Variants in ADARB2 observed in about 807,000 individuals in gnomAD.
ADARB2 encodes the protein adenosine deaminase RNA specific B2 (inactive).
Under a neutral mutation model 62.2 loss-of-function variants are expected in ADARB2, and 25 were observed. The observed-to-expected ratio is 0.40, with a 90% CI of 0.29 to 0.56. ADARB2 has a LOEUF of 0.56. ADARB2 is among the 20% of genes least tolerant of loss of function. The pLI, the probability that ADARB2 is intolerant of heterozygous loss-of-function variation, is 0.43. For synonymous variants in ADARB2, 572 were observed against 500.8 expected (o/e 1.14, Z -1.90); for missense variants, 1,071 against 1,077.4 (o/e 0.99, Z 0.08).
chr10:1,516,057 G>A (rs1381401635), intron 1 of ADARB2, among the ~76,000 whole-genome samples: 1 of 152,194 alleles, frequency 6.6e-6, no homozygotes, highest in African/African-American at 2.4e-5. Context: ...AGAGCCCAGA[G>A]GACGGCCCTA....
chr10:1,451,580 C>A (rs944876316), intron 1 of ADARB2, among the ~76,000 whole-genome samples: 1 of 151,890 alleles, frequency 6.6e-6, no homozygotes, highest in East Asian at 1.9e-4. Flanking sequence ...GGGGACACAC[C>A]TGTATGAGGA....
chr10:1,277,629 A>G (rs1348338650), intron 3 of ADARB2, among the ~76,000 whole-genome samples: 1 of 152,208 alleles, frequency 6.6e-6, no homozygotes, highest in Non-Finnish European at 1.5e-5. Context: ...ACCAACCAAA[A>G]AAAGTCCAGA....
rs139238954 is a variant in ADARB2, at chr10:1,569,759, A to AT, written c.100+167291dup. Among the ~76,000 whole-genome samples the AT allele has an allele frequency of 3.1e-3, 474 of 151,690 alleles. 2 individuals carry two copies. Among genetic ancestry groups the AT allele is most frequent in the Middle Eastern group, 0.01 (3 of 292 alleles). Reference sequence around the variant, plus strand: ...CATAGAAATTATTTTCTAAAGTATCATTTTTTTTTAAAAAAATGTAATACT... The same window carrying AT: ...CATAGAAATTATTTTCTAAAGTATCATTTTTTTTTTAAAAAAATGTAATACT... On this transcript the variant is annotated intron_variant, in intron 1 of 9. Coordinates refer to ENST00000381312, the MANE Select transcript of ADARB2 (RefSeq NM_018702.4).
In ADARB2 at chr10:1,544,956, T is replaced by TACACACACAC. The variant is rs1554770300; in HGVS notation, c.101-165806_101-165797dup. 2.0e-3 allele frequency among the ~76,000 whole-genome samples: 273 copies of TACACACACAC among 133,932 alleles called. 1 individual carries two copies. Among genetic ancestry groups the TACACACACAC allele is most frequent in the African/African-American group, 6.4e-3 (234 of 36,568 alleles). The allele number at this position is 133,932 out of a possible 152,430, so 87.9% of individuals were successfully genotyped here. ...ATGTGAAGTCTATAATAGCAAAGTATACACACACACACACACACACACACA... is the reference window on the plus strand; with the variant it reads ...ATGTGAAGTCTATAATAGCAAAGTATACACACACACACACACACACACACACACACACACA... On this transcript the variant is annotated intron_variant, in intron 1 of 9. Coordinates refer to ENST00000381312, the MANE Select transcript of ADARB2 (RefSeq NM_018702.4).
chr10:1,623,670 G>T (rs150686615), intron 1 of ADARB2, among the ~76,000 whole-genome samples: 2 of 152,302 alleles, frequency 1.3e-5, no homozygotes, highest in East Asian at 3.9e-4. Context: ...GATTGCACAC[G>T]CATGGATTCC....
intron 1 of ADARB2, among the ~76,000 whole-genome samples, chr10:1,474,077 C>T (rs1243077363): frequency 1.3e-5 from 2 of 152,170 alleles, no homozygotes; most frequent in Non-Finnish European, 2.9e-5. Flanking sequence ...CCCCATCCCA[C>T]TGAGCACCTG....
chr10:1,556,390 GCAATTCCC>G (rs1832703295), intron 1 of ADARB2, among the ~76,000 whole-genome samples: 1 of 151,932 alleles, frequency 6.6e-6, no homozygotes, highest in Admixed American at 6.6e-5. Context: ...TCTTGGTGAA[GCAATTCCC>G]AACTCTACCC....
chr10:1,563,824 C>G (rs1322627540), intron 1 of ADARB2, among the ~76,000 whole-genome samples: 2 of 138,606 alleles, frequency 1.4e-5, no homozygotes, highest in African/African-American at 5.4e-5. Flanking sequence ...TGTTCCCCTT[C>G]CTGTGTCCAT....
At chr10:1,573,851 C>A (rs997854125) in intron 1 of ADARB2, among the ~76,000 whole-genome samples, 1 of 152,176 alleles carries the variant, frequency 6.6e-6, no homozygotes, top group Non-Finnish European at 1.5e-5. Context: ...CCCGCTGCAG[C>A]CAGCTCCTCA....
At chr10:1,661,156 G>A (rs1834241904) in intron 1 of ADARB2, among the ~76,000 whole-genome samples, 1 of 152,150 alleles carries the variant, frequency 6.6e-6, no homozygotes, top group Non-Finnish European at 1.5e-5. Flanking sequence ...GCCCCTCTCA[G>A]GTTTATTTTC....
chr10:1,394,838 A>G, intron 1 of ADARB2: 1 of 457,044 alleles, frequency 2.2e-6, no homozygotes, highest in Admixed American at 2.3e-5. Flanking sequence ...GAAGAGGGTC[A>G]CCCCATATAC....
chr10:1,576,143 G>GGCCTCA (rs1398035854), intron 1 of ADARB2, among the ~76,000 whole-genome samples: 4 of 126,222 alleles, frequency 3.2e-5, no homozygotes, highest in Non-Finnish European at 5.2e-5. Context: ...TCACAAGAGG[G>GGCCTCA]GGGTCCACGG....
chr10:1,668,633 A>G (rs1325104042), intron 1 of ADARB2, among the ~76,000 whole-genome samples: 2 of 152,196 alleles, frequency 1.3e-5, no homozygotes, highest in African/African-American at 4.8e-5. Flanking sequence ...AGGGCTGAAC[A>G]CTGAAGGGAC....
chr10:1,464,407 C>A (rs1831221400), intron 1 of ADARB2, among the ~76,000 whole-genome samples: 1 of 135,682 alleles, frequency 7.4e-6, no homozygotes, highest in African/African-American at 2.8e-5. Context: ...ACACACTCCC[C>A]CACACACGCG....
chr10:1,327,331 G>A (rs1473084896), intron 3 of ADARB2, among the ~76,000 whole-genome samples: 2 of 48,862 alleles, frequency 4.1e-5, no homozygotes, highest in African/African-American at 8.3e-5. Context: ...ACTGCACAGC[G>A]CCTCCTCACT....
intron 4 of ADARB2, among the ~76,000 whole-genome samples, chr10:1,258,794 C>T (rs146522327): frequency 6.6e-6 from 1 of 152,158 alleles, no homozygotes; most frequent in Non-Finnish European, 1.5e-5. Flanking sequence ...CTGCACCAAG[C>T]AGACCTAATA....
chr10:1,627,066 G>GCCTCTC (rs1303553058), intron 1 of ADARB2, among the ~76,000 whole-genome samples: 1 of 151,978 alleles, frequency 6.6e-6, no homozygotes, highest in African/African-American at 2.4e-5. Context: ...TGGCCTGGAC[G>GCCTCTC]CCTCTCCCTC....
intron 4 of ADARB2, among the ~76,000 whole-genome samples, chr10:1,266,048 C>T (rs1392654138): frequency 7.3e-6 from 1 of 136,076 alleles, no homozygotes; most frequent in Non-Finnish European, 1.6e-5. Context: ...GGAAGACGGC[C>T]TGAGCCAGGT....
rs1275626198 is a variant in ADARB2, at chr10:1,363,524, T to C, written c.581A>G (p.Asn194Ser). 6.5e-6 allele frequency: 10 copies of C among 1,542,852 alleles called. No homozygotes were observed. The highest frequency in any genetic ancestry group is 2.5e-5 in the East Asian group (1 of 40,272). Reference sequence around the variant, plus strand: ...CATGGCCAGGTGCGCCTGGCAGGCGTTGGGGAACTGCACGAAGGACCTGAG... The same window carrying C: ...CATGGCCAGGTGCGCCTGGCAGGCGCTGGGGAACTGCACGAAGGACCTGAG... ...LALRSFVQFP[N>S]ACQAHLAMGG... The change falls in exon 3 of 10, where the codon AAC becomes AGC. Residue 194 changes from asparagine to serine, a missense_variant. Coordinates refer to ENST00000381312, the MANE Select transcript of ADARB2 (RefSeq NM_018702.4).
Sources: allele counts gnomAD v4.1 joint callset (sites outside exome capture counted in the v4.1 genomes callset), GRCh38; gene constraint gnomAD v4.1.1; transcripts MANE v1.5; gene names NCBI Gene and HGNC (gene_info 2026-07-23, HGNC 2026-07-21).